Variants in ATR observed in about 807,000 individuals in gnomAD.
ATR encodes the protein ATR checkpoint kinase, also known as serine/threonine-protein kinase ATR.
A neutral mutation model predicts 305.3 loss-of-function variants in ATR; 142 were observed. The ratio of observed to expected loss-of-function variants is 0.47; its 90% CI spans 0.41 to 0.53. The LOEUF (loss-of-function observed/expected upper bound fraction) is 0.53. Ranked by LOEUF, ATR falls within the 20% of genes least tolerant of loss-of-function variation. The pLI is 0.00. For synonymous variants in ATR, 1,050 were observed against 1,068.1 expected (o/e 0.98, Z 0.33); for missense variants, 2,135 against 3,133.1 (o/e 0.68, Z 7.60).
At chr3:142,531,417 C>A (rs918077442) in intron 21 of ATR, among the ~76,000 whole-genome samples, 3 of 152,000 alleles carry the variant, frequency 2.0e-5, no homozygotes, top group Non-Finnish European at 2.9e-5. Context: ...CCCCTCACCC[C>A]ACAACAGGCC....
At chr3:142,565,846 A>C (rs2035052549) in intron 3 of ATR, among the ~76,000 whole-genome samples, 1 of 152,074 alleles carries the variant, frequency 6.6e-6, no homozygotes. Context: ...ATCTAGAAGA[A>C]AGAGATTACC....
intron 35 of ATR, among the ~76,000 whole-genome samples, chr3:142,490,844 T>A (rs1188387889): frequency 1.3e-5 from 2 of 152,192 alleles, no homozygotes; most frequent in African/African-American, 4.8e-5. Flanking sequence ...ATATTTTGAA[T>A]AGTTTATAAT....
At chr3:142,556,639 CATATAT>C in intron 8 of ATR, 64 bp from the exon 9 acceptor site, 4 of 1,429,586 alleles carry the variant, frequency 2.8e-6, no homozygotes, top group Non-Finnish European at 3.9e-6. Flanking sequence ...TACACATATA[CATATAT>C]ATAAGTAAAG....
At chr3:142,531,784 C>T (rs1213210705) in intron 21 of ATR, among the ~76,000 whole-genome samples, 26 of 150,832 alleles carry the variant, frequency 1.7e-4, no homozygotes, top group African/African-American at 4.4e-4. Flanking sequence ...AATGGGATGG[C>T]TGGGTCAAAT....
At chr3:142,497,222 G>A (rs371871829) in intron 32 of ATR, 30 bp from the exon 33 acceptor site, 11 of 1,603,138 alleles carry the variant, frequency 6.9e-6, no homozygotes, top group African/African-American at 6.7e-5. Flanking sequence ...ATGTTAAAAT[G>A]TTATCATATT....
chr3:142,536,512 G>A (rs578210113), intron 19 of ATR, among the ~76,000 whole-genome samples: 26 of 152,322 alleles, frequency 1.7e-4, no homozygotes, highest in African/African-American at 2.9e-4. Flanking sequence ...CAAATAGACT[G>A]TGGCAGAAGA....
intron 45 of ATR, among the ~76,000 whole-genome samples, chr3:142,453,659 A>T (rs1177562632): frequency 6.6e-6 from 1 of 152,252 alleles, no homozygotes. Flanking sequence ...GGAAATACCC[A>T]GTTGGATATG....
chr3:142,492,213 A>ATGC (rs1265270716), intron 35 of ATR, among the ~76,000 whole-genome samples: 18 of 152,136 alleles, frequency 1.2e-4, no homozygotes, highest in Non-Finnish European at 2.2e-4. Context: ...TGGCCCTTTT[A>ATGC]AGGTCTTTAC....
At chr3:142,532,061 G>C (rs2033673485) in intron 21 of ATR, among the ~76,000 whole-genome samples, 2 of 152,146 alleles carry the variant, frequency 1.3e-5, no homozygotes, top group Admixed American at 6.5e-5. Flanking sequence ...CTTCTTTTGA[G>C]AAGTGCCCTG....
chr3:142,578,125 GA>G (rs1269783336), intron 1 of ATR, among the ~76,000 whole-genome samples: 4 of 152,060 alleles, frequency 2.6e-5, no homozygotes, highest in African/African-American at 9.7e-5. Flanking sequence ...TCACTTCAAA[GA>G]AAAAAACTGC....
At chr3:142,501,522 A>G (rs1328564024) in intron 30 of ATR, among the ~76,000 whole-genome samples, 5 of 152,180 alleles carry the variant, frequency 3.3e-5, no homozygotes, top group Admixed American at 2.0e-4. Context: ...CAGTACTTAG[A>G]AAAGGCTGGC....
At position 142,553,647 on chromosome 3, in the gene ATR, T is replaced by C; in HGVS notation, c.2626A>G (p.Ile876Val). The C allele has an allele frequency of 6.2e-7, 1 of 1,605,102 alleles. No individual in the cohort carries two copies. Among genetic ancestry groups the C allele is most frequent in the South Asian group, 1.1e-5 (1 of 90,636 alleles). The change falls in exon 12 of 47, where the codon ATT (isoleucine) becomes GTT (valine). Residue 876 changes from isoleucine to valine, a missense_variant. By Grantham distance (29) the Ile-to-Val change is conservative. Around this residue, in one of 9 missense-constraint regions of ATR, gnomAD observed 530 missense variants for 766.8 expected, o/e 0.69. Coordinates refer to ENST00000350721, the MANE Select transcript of ATR (RefSeq NM_001184.4). ...AAATGCTGCCAAGTATACCTTCCAA[T>C]ATCCCCTGTTGTAAGAATCAAGGTA... ...KDTLILTTGD[I>V]GRAAKGDLVP...
chr3:142,508,923 C>CAAAAAA (rs11453887), intron 27 of ATR, among the ~76,000 whole-genome samples: 2 of 118,116 alleles, frequency 1.7e-5, no homozygotes, highest in Middle Eastern at 4.3e-3. Context: ...GACTCCGTAT[C>CAAAAAA]AAAAAAAAAA....
At chr3:142,493,672 A>G (rs1405155474) in intron 34 of ATR, among the ~76,000 whole-genome samples, 3 of 152,166 alleles carry the variant, frequency 2.0e-5, no homozygotes, top group African/African-American at 7.2e-5. Flanking sequence ...GTTTGATACT[A>G]GCCTGGGCAA....
intron 21 of ATR, among the ~76,000 whole-genome samples, chr3:142,532,109 G>A (rs1344505072): frequency 6.6e-6 from 1 of 152,062 alleles, no homozygotes; most frequent in Non-Finnish European, 1.5e-5. Context: ...CCACTGTCCT[G>A]CACCCACTGT....
At chr3:142,559,582 TA>T in intron 6 of ATR, 141 bp from the exon 7 acceptor site, 3 of 800,052 alleles carry the variant, frequency 3.7e-6, no homozygotes, top group Non-Finnish European at 6.1e-6. Context: ...GCAAATCAAG[TA>T]ATATGTTATT....
At chr3:142,519,826 A>C in intron 23 of ATR, 42 bp from the exon 24 acceptor site, 1 of 1,375,372 alleles carries the variant, frequency 7.3e-7, no homozygotes, top group Non-Finnish European at 1.0e-6. Context: ...ACAGTGAAGC[A>C]GATAACGCTT....
intron 36 of ATR, among the ~76,000 whole-genome samples, chr3:142,475,810 T>A (rs1039269219): frequency 7.2e-5 from 11 of 152,226 alleles, no homozygotes; most frequent in Non-Finnish European, 5.9e-5. Flanking sequence ...TGAGATGGTA[T>A]CTCATTGTGG....
At chr3:142,554,880 A>T (rs1559990384) in intron 10 of ATR, among the ~76,000 whole-genome samples, 1 of 151,640 alleles carries the variant, frequency 6.6e-6, no homozygotes, top group Non-Finnish European at 1.5e-5. Context: ...GTGAGCCATG[A>T]TTGCGCCACT....
Sources: gnomAD v4.1 joint callset for allele counts (sites outside exome capture counted in the v4.1 genomes callset) on GRCh38, gnomAD v4.1.1 for gene constraint, gnomAD v4.1.1 regional missense constraint, MANE v1.5 for transcripts, NCBI Gene and HGNC (gene_info 2026-07-23, HGNC 2026-07-21) for gene names.